The following PLXDC2 variants were observed in gnomAD, a reference collection of about 807,000 sequenced individuals.
The protein encoded by PLXDC2 is plexin domain-containing protein 2.
In PLXDC2, 40 loss-of-function variants were observed where a neutral mutation model predicts 68.9. The observed-to-expected ratio is 0.58, with a 90% CI of 0.45 to 0.76. PLXDC2 has a LOEUF of 0.76. Among genes scored for constraint, PLXDC2 ranks in the 30% least tolerant of loss-of-function variants. The pLI, the probability that PLXDC2 is intolerant of heterozygous loss-of-function variation, is 0.00. For synonymous variants in PLXDC2, 243 were observed against 234.2 expected (o/e 1.04, Z -0.34); for missense variants, 644 against 661.9 (o/e 0.97, Z 0.30).
At chr10:20,226,872 G>A (rs1039256845) in intron 12 of PLXDC2, among the ~76,000 whole-genome samples, 5 of 152,004 alleles carry the variant, frequency 3.3e-5, no homozygotes, top group South Asian at 4.2e-4. Flanking sequence ...TCAGAAACCC[G>A]GACCAGGGAA....
At position 20,035,486 on chromosome 10, in the gene PLXDC2, C is replaced by T. The variant is rs562770490; in HGVS notation, c.325-11383C>T. Among the ~76,000 whole-genome samples the T allele has an allele frequency of 4.6e-5, 7 of 152,116 alleles. No homozygotes were observed. The South Asian group carries it at 8.3e-4, about 18-fold the overall frequency. On this transcript the variant is annotated intron_variant, in intron 2 of 13. Coordinates refer to ENST00000377252, the MANE Select transcript of PLXDC2 (RefSeq NM_032812.9). Reference sequence around the variant, plus strand: ...TCGAGGAGGGTGGATCACTTGAGGTCGGGAGTTCGAGACCAGCCTGGCTAA... The same window carrying T: ...TCGAGGAGGGTGGATCACTTGAGGTTGGGAGTTCGAGACCAGCCTGGCTAA...
intron 4 of PLXDC2, among the ~76,000 whole-genome samples, chr10:20,129,487 T>C (rs1192146374): frequency 7.6e-6 from 1 of 131,634 alleles, no homozygotes; most frequent in Non-Finnish European, 1.8e-5. Context: ...ATTTGTCCAT[T>C]TGTGTTTTGT....
rs1470959284 is a variant in PLXDC2, at chr10:19,855,341, GT to G, written c.112+38156del. Among the ~76,000 whole-genome samples, 3 of 152,156 alleles carry G rather than the reference GT, an allele frequency of 2.0e-5. No individual in the cohort carries two copies. In the East Asian group the frequency reaches 5.8e-4, roughly 29 times the overall value. ...GGCTTTTGAAGTCCTTGAAATGGAGGTTTTTTCACTTTTCCCCCCTTAGATA... is the reference window on the plus strand; with the variant it reads ...GGCTTTTGAAGTCCTTGAAATGGAGGTTTTTCACTTTTCCCCCCTTAGATA... On this transcript the variant is annotated intron_variant, in intron 1 of 13. Coordinates refer to ENST00000377252, the MANE Select transcript of PLXDC2 (RefSeq NM_032812.9).
chr10:20,083,773 T>A (rs1833147805), intron 4 of PLXDC2, among the ~76,000 whole-genome samples: 1 of 152,194 alleles, frequency 6.6e-6, no homozygotes, highest in Non-Finnish European at 1.5e-5. Flanking sequence ...AATTGTGTAT[T>A]AAAGGGCTTA....
chr10:20,123,869 G>C (rs1258733086), intron 4 of PLXDC2, among the ~76,000 whole-genome samples: 1 of 151,880 alleles, frequency 6.6e-6, no homozygotes, highest in African/African-American at 2.4e-5. Flanking sequence ...AGGGATTGGG[G>C]TGCAGAGATA....
At chr10:20,274,942 T>C (rs1835987236) in intron 13 of PLXDC2, among the ~76,000 whole-genome samples, 1 of 151,842 alleles carries the variant, frequency 6.6e-6, no homozygotes, top group African/African-American at 2.4e-5. Context: ...TTGTTTGAAA[T>C]CCAAATTTTA....
intron 12 of PLXDC2, among the ~76,000 whole-genome samples, chr10:20,235,021 T>A (rs551101870): frequency 3.7e-4 from 57 of 152,244 alleles, no homozygotes; most frequent in Non-Finnish European, 6.5e-4. Context: ...TGCGGAAGGG[T>A]TGATCTTATT....
At chr10:19,921,551 T>C (rs1833462246) in intron 1 of PLXDC2, among the ~76,000 whole-genome samples, 1 of 152,234 alleles carries the variant, frequency 6.6e-6, no homozygotes. Context: ...CCATGCATCA[T>C]TACGTAACCA....
intron 10 of PLXDC2, among the ~76,000 whole-genome samples, 190 bp from the exon 11 acceptor site, chr10:20,217,236 C>G (rs183269878): frequency 5.1e-4 from 77 of 152,256 alleles, no homozygotes; most frequent in African/African-American, 1.7e-3. Flanking sequence ...TTCCATCCAT[C>G]TTTTTCTCTT....
At chr10:20,098,346 C>CGTGT (rs762519549) in intron 4 of PLXDC2, among the ~76,000 whole-genome samples, 1,190 of 103,098 alleles carry the variant, frequency 0.012, 10 homozygotes, top group Admixed American at 0.016. Flanking sequence ...CATTTTCGTG[C>CGTGT]GTGTGTGTGT....
Position 19,954,432 on chromosome 10 carries a change from A to G in PLXDC2, c.113-47343A>G, listed in dbSNP as rs1360949844. ...ATCTTACAGCTTATTCAGATATTGC[A>G]GATGATCTGCATTTTGTAAAATGGA... On this transcript the variant is annotated intron_variant, in intron 1 of 13. Transcript: ENST00000377252. Among the ~76,000 whole-genome samples, 4 of 152,338 alleles carry G rather than the reference A, an allele frequency of 2.6e-5. No individual in the cohort carries two copies. In the East Asian group the frequency reaches 7.7e-4, roughly 29 times the overall value.
At chr10:20,206,717 G>T (rs1329019826) in intron 9 of PLXDC2, among the ~76,000 whole-genome samples, 1 of 152,066 alleles carries the variant, frequency 6.6e-6, no homozygotes, top group Non-Finnish European at 1.5e-5. Context: ...TACTCAGTTA[G>T]ACCTATGAAT....
At chr10:20,016,196 T>G (rs1835206640) in intron 2 of PLXDC2, among the ~76,000 whole-genome samples, 1 of 152,212 alleles carries the variant, frequency 6.6e-6, no homozygotes, top group Non-Finnish European at 1.5e-5. Flanking sequence ...CTGGGTACTT[T>G]GCTCATGTTC....
chr10:20,265,806 T>A (rs918573052), intron 13 of PLXDC2, among the ~76,000 whole-genome samples: 6 of 152,160 alleles, frequency 3.9e-5, no homozygotes, highest in Non-Finnish European at 8.8e-5. Flanking sequence ...TCAAACTCTC[T>A]TACACCCAAA....
intron 13 of PLXDC2, among the ~76,000 whole-genome samples, chr10:20,271,469 C>G (rs2119382122): frequency 6.6e-6 from 1 of 152,244 alleles, no homozygotes; most frequent in Non-Finnish European, 1.5e-5. Flanking sequence ...AAGAATTCAA[C>G]AAGAGAAGAG....
chr10:19,995,506 C>T (rs1409130552), intron 1 of PLXDC2, among the ~76,000 whole-genome samples: 1 of 152,166 alleles, frequency 6.6e-6, no homozygotes, highest in Non-Finnish European at 1.5e-5. Context: ...ACCAAAATTC[C>T]AGACTCCCAG....
intron 5 of PLXDC2, among the ~76,000 whole-genome samples, chr10:20,146,960 A>G (rs1834089044): frequency 6.6e-6 from 1 of 152,172 alleles, no homozygotes; most frequent in African/African-American, 2.4e-5. Context: ...CAAACAGAAA[A>G]ATCTAATATT....
At chr10:20,154,177 A>G (rs1834187847) in intron 6 of PLXDC2, among the ~76,000 whole-genome samples, 1 of 152,224 alleles carries the variant, frequency 6.6e-6, no homozygotes, top group Admixed American at 6.5e-5. Flanking sequence ...GCCATTAAAT[A>G]GTGATGATTT....
chr10:20,234,665 T>TTC (rs1223932783), intron 12 of PLXDC2, among the ~76,000 whole-genome samples: 53 of 143,450 alleles, frequency 3.7e-4, no homozygotes, highest in African/African-American at 1.2e-3. Context: ...GTTTCTTTCT[T>TTC]TTTTTTTTTT....
Sources: allele counts gnomAD v4.1 joint callset (sites outside exome capture counted in the v4.1 genomes callset), GRCh38; gene constraint gnomAD v4.1.1; transcripts MANE v1.5; gene names NCBI Gene and HGNC (gene_info 2026-07-23, HGNC 2026-07-21).